The following AGRN variants were observed in gnomAD, a reference collection of about 807,000 sequenced individuals.
AGRN encodes agrin proteoglycan.
AGRN carries 106 observed loss-of-function variants against 211.0 expected under a neutral mutation model. The ratio of observed to expected loss-of-function variants is 0.50; its 90% CI spans 0.43 to 0.59. The LOEUF (loss-of-function observed/expected upper bound fraction) is 0.59. Among genes scored for constraint, AGRN ranks in the 20% least tolerant of loss-of-function variants. The probability of loss-of-function intolerance (pLI) is 0.00; values close to 1 mark genes in which losing one functional copy is unlikely to be tolerated. For synonymous variants in AGRN, 1,525 were observed against 1,332.5 expected, an observed-to-expected ratio of 1.14 and a Z score of -3.15; for missense variants, 3,040 against 2,982.6, an observed-to-expected ratio of 1.02 and a Z score of -0.45.
In AGRN at chr1:1,055,986, C is replaced by G. The variant is rs1645438694; in HGVS notation, c.*1005C>G. The G allele has an allele frequency of 6.6e-6, 1 of 152,296 alleles. No homozygotes were observed. The highest frequency in any genetic ancestry group is 1.9e-4 in the East Asian group (1 of 5,202). The allele number at this position is 152,296 out of a possible 1,614,324, so 9.4% of individuals were successfully genotyped here. A position where few individuals can be genotyped will look rare whatever the true frequency, so the allele number is the denominator to read the frequency against. ...TCCCCACCCCCATCCCATCCCCACCCCCAGCCCCAGCCCAGTCCTCCTAGG... is the reference window on the plus strand; with the variant it reads ...TCCCCACCCCCATCCCATCCCCACCGCCAGCCCCAGCCCAGTCCTCCTAGG... On this transcript the variant is annotated 3_prime_UTR_variant, in exon 36 of 36. Transcript: ENST00000379370.
chr1:1,025,840 AG>A (rs1356184016), intron 2 of AGRN, among the ~76,000 whole-genome samples: 4 of 150,468 alleles, frequency 2.7e-5, no homozygotes, highest in Non-Finnish European at 5.9e-5. Context: ...TGGAGCTGGG[AG>A]GGGGGTCTGC....
In AGRN at chr1:1,053,919, G is replaced by A. The variant is rs778578529; in HGVS notation, c.5818G>A (p.Val1940Met). The stretch of plus-strand genomic sequence containing the variant: ...CTACAACCTGGGCTCCCAGCCCGTG[G>A]TGCTGCGTTCCACCGTGCCCGTCAA... ...LSYNLGSQPV[V>M]LRSTVPVNTN... is the part of the protein sequence containing the mutation. Residue 1940 changes from valine (V) to methionine (M), a missense_variant, in exon 34 of 36, where the codon GTG (valine) becomes ATG (methionine). By Grantham distance (21) the Val-to-Met change is conservative. Coordinates refer to ENST00000379370, the MANE Select transcript of AGRN (RefSeq NM_198576.4). 6.2e-7 allele frequency: 1 copy of A among 1,606,766 alleles called. No homozygotes were observed. Among genetic ancestry groups the A allele is most frequent in the South Asian group, 1.1e-5 (1 of 89,816 alleles).
At position 1,050,498 on chromosome 1, in the gene AGRN, AGAC is replaced by A. The variant is rs765397453; in HGVS notation, c.5050_5052del (p.Thr1684del). On this transcript the variant is annotated inframe_deletion, in exon 29 of 36. Transcript: ENST00000379370. ...GGCCTCCTGCTCTACAACGGGCAGA[AGAC>A]GGACGGCAAGGGGGACTTCGTGTCG... 5.6e-6 allele frequency: 9 copies of A among 1,612,782 alleles called. No individual in the cohort carries two copies. The African/African-American group carries it at 1.1e-4, about 19-fold the overall frequency.
In AGRN at chr1:1,055,028, T is replaced by G. The variant is rs1389783019; in HGVS notation, c.*47T>G. ...CCGCTGTAATTATTTTCTATTTTTGTAAACTTGTTGCTTTTTGATATGATT... is the reference window on the plus strand; with the variant it reads ...CCGCTGTAATTATTTTCTATTTTTGGAAACTTGTTGCTTTTTGATATGATT... On this transcript the variant is annotated 3_prime_UTR_variant, in exon 36 of 36. Coordinates refer to ENST00000379370, the MANE Select transcript of AGRN (RefSeq NM_198576.4). The G allele has an allele frequency of 6.5e-7, 1 of 1,542,610 alleles. No homozygotes were observed. Among genetic ancestry groups the G allele is most frequent in the Non-Finnish European group, 8.7e-7 (1 of 1,146,398 alleles).
rs1328878396 is a variant in AGRN at position 1,043,834 on chromosome 1, G to A, written c.1810G>A (p.Asp604Asn). 6.2e-7 allele frequency: 1 copy of A among 1,611,108 alleles called. No homozygotes were observed. Among genetic ancestry groups the A allele is most frequent in the African/African-American group, 1.3e-5 (1 of 74,880 alleles). ...TCTGTCTCCTGCAGAGACCTGTGGA[G>A]ATGCCGTGTGTGCTTTTGGGGCTGT... ...ASAGPCETCG[D>N]AVCAFGAVCS... is the part of the protein sequence containing the mutation. Residue 604 changes from aspartate to asparagine, a missense_variant, in exon 10 of 36, where the codon GAT (aspartate) becomes AAT (asparagine). Around this residue, in one of 3 missense-constraint regions of AGRN, gnomAD observed 1,498 missense variants for 1,457.8 expected, o/e 1.03. Coordinates refer to ENST00000379370, the MANE Select transcript of AGRN (RefSeq NM_198576.4).
At position 1,048,975 on chromosome 1, in the gene AGRN, C is replaced by T; in HGVS notation, c.4214C>T (p.Pro1405Leu). The T allele has an allele frequency of 1.3e-6, 2 of 1,577,006 alleles. No individual in the cohort carries two copies. The highest frequency in any genetic ancestry group is 1.4e-5 in the African/African-American group (1 of 73,858). Residue 1405 changes from proline (P) to leucine (L), a missense_variant, in exon 24 of 36, where the codon CCT becomes CTT. Pro to Leu is a moderately conservative substitution (Grantham distance 98, BLOSUM62 -3). Transcript: ENST00000379370. This position sits in a 1 kb window ranked among gnomAD's most constrained non-coding sequence, Gnocchi z 5.9. ...RLALEFRALEPQGLLLYNGNA... is the reference protein window; with the variant it reads ...RLALEFRALELQGLLLYNGNA... Reference sequence around the variant, plus strand: ...GCACTGGAATTCCGGGCGCTGGAGCCTCAGGGGCTGCTGCTGTACAATGGC... The same window carrying T: ...GCACTGGAATTCCGGGCGCTGGAGCTTCAGGGGCTGCTGCTGTACAATGGC...
chr1:1,039,899 G>C (rs999598559), intron 3 of AGRN, among the ~76,000 whole-genome samples: 6 of 152,228 alleles, frequency 3.9e-5, no homozygotes, highest in African/African-American at 1.4e-4. Context: ...TGCCGCGGGT[G>C]GGGGGCTGGC....
At position 1,045,366 on chromosome 1, in the gene AGRN, C is replaced by T. The variant is rs747026062; in HGVS notation, c.2379C>T (p.Cys793=). The T allele has an allele frequency of 1.2e-6, 2 of 1,611,736 alleles. No homozygotes were observed. Among genetic ancestry groups the T allele is most frequent in the Admixed American group, 1.7e-5 (1 of 60,018 alleles). ...GVGLAGCPSA[C]QCNPHGSYGG... ...CCTGCCCTGGCCTTTCAGGTGCCTG[C>T]CAGTGCAACCCCCATGGCTCTTACG... The change falls in exon 14 of 36, where the codon TGC becomes TGT. Residue 793 remains cysteine (C), a synonymous_variant. Coordinates refer to ENST00000379370, the MANE Select transcript of AGRN (RefSeq NM_198576.4).
In AGRN at chr1:1,025,210, G is replaced by C. The variant is rs556617127; in HGVS notation, c.463+2748G>C. On this transcript the variant is annotated intron_variant, in intron 2 of 35. Coordinates refer to ENST00000379370, the MANE Select transcript of AGRN (RefSeq NM_198576.4). ...GGGACAGGGCAGGGGGCCAGGGTCA[G>C]AGTGAGTCTGGCGCCTTCCCAGCCC... Among the ~76,000 whole-genome samples, 115 of 152,146 alleles carry C rather than the reference G, an allele frequency of 7.6e-4. 1 individual carries two copies. Among genetic ancestry groups the C allele is most frequent in the African/African-American group, 2.6e-3 (110 of 41,534 alleles).
rs753990326 is a variant in AGRN, at chr1:1,054,796, C to T, written c.5981-28C>T. 2.7e-5 allele frequency: 42 copies of T among 1,545,706 alleles called. No individual in the cohort carries two copies. The South Asian group carries it at 3.4e-4, about 13-fold the overall frequency. ...CCCATCAGCATCACTGAGTCACAGCCGGGTGACTCCCACTGTCTGTGCTGC... is the reference window on the plus strand; with the variant it reads ...CCCATCAGCATCACTGAGTCACAGCTGGGTGACTCCCACTGTCTGTGCTGC... On this transcript the variant is annotated intron_variant, in intron 35 of 35. Transcript: ENST00000379370.
At position 1,053,840 on chromosome 1, in the gene AGRN, G is replaced by A. The variant is rs557497898; in HGVS notation, c.5739G>A (p.Thr1913=). The change falls in exon 34 of 36, where the codon ACG becomes ACA. Residue 1913 remains threonine (T), a synonymous_variant. Coordinates refer to ENST00000379370, the MANE Select transcript of AGRN (RefSeq NM_198576.4). ...TGGTGCTCTGGAGTGGCAAGGCCAC[G>A]GAGCGGGCAGACTATGTGGCACTGG... ...QGLVLWSGKA[T]ERADYVALAI... is the part of the protein sequence containing the mutation. 1.8e-4 allele frequency: 285 copies of A among 1,610,516 alleles called. 2 individuals carry two copies. In the South Asian group the frequency reaches 2.7e-3, roughly 15 times the overall value.
Position 1,049,783 on chromosome 1 carries a change from C to T in AGRN, c.4732C>T (p.Pro1578Ser), listed in dbSNP as rs1645221054. The T allele has an allele frequency of 2.5e-6, 4 of 1,594,484 alleles. No individual in the cohort carries two copies. Among genetic ancestry groups the T allele is most frequent in the Non-Finnish European group, 3.4e-6 (4 of 1,171,288 alleles). Residue 1578 changes from proline (P) to serine (S), a missense_variant, in exon 26 of 36, where the codon CCC (proline) becomes TCC (serine). By Grantham distance (74) the Pro-to-Ser change is moderately conservative. Around this residue, in one of 3 missense-constraint regions of AGRN, gnomAD observed 1,537 missense variants for 1,505.0 expected, o/e 1.02. Transcript: ENST00000379370. Reference sequence around the variant, plus strand: ...TGGAAGGTTCCATTGCCAGTGCCCGCCCGGCCGCGTCGGTGAGGGTGGGGC... The same window carrying T: ...TGGAAGGTTCCATTGCCAGTGCCCGTCCGGCCGCGTCGGTGAGGGTGGGGC... ...EAGRFHCQCP[P>S]GRVGPTCADE...
At chr1:1,024,289 G>A (rs1644471989) in intron 2 of AGRN, among the ~76,000 whole-genome samples, 1 of 152,052 alleles carries the variant, frequency 6.6e-6, no homozygotes, top group Non-Finnish European at 1.5e-5. Flanking sequence ...ACAATTCTGT[G>A]TGCCCACCCC....
intron 2 of AGRN, among the ~76,000 whole-genome samples, chr1:1,029,627 GCA>G (rs1491146131): frequency 3.2e-5 from 3 of 92,832 alleles, no homozygotes; most frequent in Admixed American, 2.8e-4. Context: ...TGTGAGATCA[GCA>G]TGTGTGTGTG....
chr1:1,054,778 G>T, intron 35 of AGRN, 46 bp from the exon 36 acceptor site: 1 of 1,539,586 alleles, frequency 6.5e-7, no homozygotes, highest in South Asian at 1.2e-5. Flanking sequence ...GTGCCCATCA[G>T]CATCACTGAG....
chr1:1,038,962 GACTAT>G (rs1390228339), intron 3 of AGRN, among the ~76,000 whole-genome samples: 1 of 152,210 alleles, frequency 6.6e-6, no homozygotes, highest in Non-Finnish European at 1.5e-5. Flanking sequence ...CAGCCCTCAT[GACTAT>G]ACTTACAGTG....
Position 1,047,656 on chromosome 1 carries a change from C to G in AGRN, c.3600C>G (p.Val1200=). The G allele has an allele frequency of 6.2e-7, 1 of 1,613,108 alleles. No homozygotes were observed. Among genetic ancestry groups the G allele is most frequent in the Non-Finnish European group, 8.5e-7 (1 of 1,180,020 alleles). Residue 1200 remains valine, a synonymous_variant, in exon 21 of 36, where the codon GTC becomes GTG. Coordinates refer to ENST00000379370, the MANE Select transcript of AGRN (RefSeq NM_198576.4). The part of the protein sequence containing the change: ...RLRDLGPGKS[V]RAIVDVHFDP... ...GGGACCTGGGGCCCGGCAAATCCGT[C>G]CGCGCCATTGTGGATGTGCACTTTG...
intron 2 of AGRN, chr1:1,034,277 G>A (rs1644747162): frequency 1.0e-6 from 1 of 985,354 alleles, no homozygotes. Flanking sequence ...GGCAGCAGGG[G>A]TGGCTGCGGG....
intron 30 of AGRN, 85 bp downstream of exon 30, chr1:1,050,922 G>A (rs1458594918): frequency 6.5e-6 from 10 of 1,532,904 alleles, no homozygotes; most frequent in African/African-American, 2.8e-5. Flanking sequence ...CGGCGCTCAC[G>A]GAGCTGTTTT....
Sources: gnomAD v4.1 joint callset for allele counts (sites outside exome capture counted in the v4.1 genomes callset) on GRCh38, gnomAD v4.1.1 for gene constraint, gnomAD v4.1.1 regional missense constraint, Gnocchi (gnomAD v3.1) non-coding constraint, MANE v1.5 for transcripts, NCBI Gene and HGNC (gene_info 2026-07-23, HGNC 2026-07-21) for gene names.